Variants in XXYLT1 observed in about 807,000 individuals in gnomAD.
The protein encoded by XXYLT1 is UDP-xylose:alpha-xyloside alpha-1,3-xylosyltransferase.
XXYLT1 carries 20 observed loss-of-function variants against 28.9 expected under a neutral mutation model. That is an observed-to-expected ratio of 0.69 (90% CI 0.49 to 1.00). The LOEUF is 1.00. Among genes scored for constraint, XXYLT1 ranks in the 50% least tolerant of loss-of-function variants. The probability of loss-of-function intolerance (pLI) is 0.00; values close to 1 mark genes in which losing one functional copy is unlikely to be tolerated. For synonymous variants in XXYLT1, 257 were observed against 253.8 expected, an observed-to-expected ratio of 1.01 and a Z score of -0.12; for missense variants, 542 against 560.1, an observed-to-expected ratio of 0.97 and a Z score of 0.33.
chr3:195,162,301 C>G (rs558277578), intron 2 of XXYLT1, among the ~76,000 whole-genome samples: 128 of 152,240 alleles, frequency 8.4e-4, no homozygotes, highest in Non-Finnish European at 1.3e-3. Context: ...TTTGCAGGCT[C>G]TGCCCAGACA....
At chr3:195,136,269 T>TAGGA (rs544587974) in intron 3 of XXYLT1, among the ~76,000 whole-genome samples, 105 of 152,326 alleles carry the variant, frequency 6.9e-4, no homozygotes, top group African/African-American at 2.4e-3. Flanking sequence ...TCAGTGCTCC[T>TAGGA]ATAGGTTTGA....
chr3:195,144,623 G>A lies in XXYLT1; in HGVS notation c.785+11826C>T, dbSNP rs1235800471. On this transcript the variant is annotated intron_variant, in intron 3 of 3. Transcript: ENST00000310380. ...GAACTCCTGACCCCGTGATCCGCCC[G>A]CCTCAGCCTCCCAAAGTGCTGGGAT... 8.5e-5 allele frequency among the ~76,000 whole-genome samples: 13 copies of A among 152,056 alleles called. 1 individual carries two copies. The South Asian group carries it at 2.7e-3, about 32-fold the overall frequency.
chr3:195,269,931 C>G (rs1248313739), intron 1 of XXYLT1, among the ~76,000 whole-genome samples: 2 of 152,178 alleles, frequency 1.3e-5, no homozygotes, highest in East Asian at 3.8e-4. Context: ...TGTGCTCTCC[C>G]CAGATCATAT....
intron 1 of XXYLT1, among the ~76,000 whole-genome samples, chr3:195,253,849 A>G (rs1005659169): frequency 2.0e-5 from 3 of 152,238 alleles, no homozygotes; most frequent in African/African-American, 7.2e-5. Flanking sequence ...CAGTGAGCCC[A>G]AAGAAGAGAC....
intron 1 of XXYLT1, chr3:195,270,306 C>A: frequency 1.1e-6 from 1 of 906,028 alleles, no homozygotes; most frequent in Non-Finnish European, 1.5e-6. Flanking sequence ...CTGCGCTTAA[C>A]TGGGGGAGAG....
intron 1 of XXYLT1, among the ~76,000 whole-genome samples, chr3:195,248,716 G>C (rs1276398338): frequency 3.3e-5 from 5 of 152,192 alleles, no homozygotes; most frequent in Non-Finnish European, 7.4e-5. Flanking sequence ...TCAGGAGTTT[G>C]AGACCAGCCT....
rs1051636851 is a variant in XXYLT1 at position 195,077,613 on chromosome 3, C to T, written c.786-7502G>A. 6.6e-6 allele frequency among the ~76,000 whole-genome samples: 1 copy of T among 152,186 alleles called. No homozygotes were observed. Among genetic ancestry groups the T allele is most frequent in the Non-Finnish European group, 1.5e-5 (1 of 68,024 alleles). On this transcript the variant is annotated intron_variant, in intron 3 of 3. Coordinates refer to ENST00000310380, the MANE Select transcript of XXYLT1 (RefSeq NM_152531.5). This position sits in a 1 kb window ranked among gnomAD's most constrained non-coding sequence, Gnocchi z 4.8. ...GCTGTACCAGCTATGACCAGCCCAT[C>T]TCTGTGGGGCCCTGTAAAGCGCGGC...
intron 3 of XXYLT1, among the ~76,000 whole-genome samples, chr3:195,119,660 G>T (rs916561081): frequency 9.2e-6 from 1 of 108,160 alleles, no homozygotes; most frequent in Non-Finnish European, 2.1e-5. Context: ...GATGCCCCCA[G>T]ATGAGAGGAG....
intron 3 of XXYLT1, among the ~76,000 whole-genome samples, chr3:195,104,221 G>A (rs897907704): frequency 6.6e-6 from 1 of 151,038 alleles, no homozygotes; most frequent in Admixed American, 6.6e-5. Flanking sequence ...GTGTGTGTGT[G>A]TGTGTGTGTG....
At chr3:195,132,436 C>T (rs1482316395) in intron 3 of XXYLT1, among the ~76,000 whole-genome samples, 1 of 151,144 alleles carries the variant, frequency 6.6e-6, no homozygotes, top group East Asian at 1.9e-4. Context: ...CACTGCATTC[C>T]AGCCTGGGCA....
At chr3:195,179,515 C>T (rs941869622) in intron 2 of XXYLT1, among the ~76,000 whole-genome samples, 2 of 152,054 alleles carry the variant, frequency 1.3e-5, no homozygotes, top group African/African-American at 4.8e-5. Context: ...TTTTCAGTCA[C>T]GTCCTATTTA....
chr3:195,219,403 A>C (rs1202203434), intron 2 of XXYLT1, among the ~76,000 whole-genome samples: 3 of 152,248 alleles, frequency 2.0e-5, no homozygotes, highest in Non-Finnish European at 4.4e-5. Context: ...ATTTTACTTA[A>C]GGAAAAAAGA....
intron 3 of XXYLT1, chr3:195,146,990 C>A (rs1346022597): frequency 6.5e-6 from 1 of 153,750 alleles, no homozygotes; most frequent in East Asian, 1.9e-4. Context: ...CAGGTGCAGG[C>A]TACCATGCCC....
rs139724036 is a variant in XXYLT1, at chr3:195,240,823, G to C, written c.505-13967C>G. On this transcript the variant is annotated intron_variant, in intron 1 of 3. Coordinates refer to ENST00000310380, the MANE Select transcript of XXYLT1 (RefSeq NM_152531.5). The surrounding 1 kb of genome is among the most constrained non-coding windows in gnomAD (Gnocchi z 4.7). ...CTCCTGAAGGAACCATAAACTGGGG[G>C]ACTGAGGCAGGAGGATCGCTTGAAC... Among the ~76,000 whole-genome samples, 317 of 152,346 alleles carry C rather than the reference G, an allele frequency of 2.1e-3. No individual in the cohort carries two copies. Among genetic ancestry groups the C allele is most frequent in the South Asian group, 5.4e-3 (26 of 4,830 alleles).
intron 2 of XXYLT1, among the ~76,000 whole-genome samples, chr3:195,163,935 G>A (rs1260663634): frequency 6.6e-6 from 1 of 152,240 alleles, no homozygotes; most frequent in Non-Finnish European, 1.5e-5. Flanking sequence ...CTGCAATGAG[G>A]CAGACTGTTT....
In XXYLT1 at chr3:195,250,521, G is replaced by A. The variant is rs112962282; in HGVS notation, c.504+20034C>T. Among the ~76,000 whole-genome samples, 1,098 of 148,298 alleles carry A rather than the reference G, an allele frequency of 7.4e-3. 5 individuals carry two copies. Among genetic ancestry groups the A allele is most frequent in the Middle Eastern group, 0.015 (4 of 272 alleles). On this transcript the variant is annotated intron_variant, in intron 1 of 3. Coordinates refer to ENST00000310380, the MANE Select transcript of XXYLT1 (RefSeq NM_152531.5). ...AGAGGTTGCAGTCAGCAGAGATCGC[G>A]CCACTGCACTCCAGCCTGGGCGGCA...
chr3:195,270,207 T>C, intron 1 of XXYLT1: 1 of 541,936 alleles, frequency 1.8e-6, no homozygotes, highest in Non-Finnish European at 3.5e-6. Flanking sequence ...AGTCAAAAAC[T>C]GAGGAACATA....
intron 1 of XXYLT1, among the ~76,000 whole-genome samples, chr3:195,245,664 G>A (rs1724990963): frequency 1.3e-5 from 2 of 152,176 alleles, no homozygotes; most frequent in Non-Finnish European, 2.9e-5. Context: ...AGTGTGATTC[G>A]CAACGCCGGA....
chr3:195,226,938 CAG>C (rs1467818053), intron 1 of XXYLT1, 82 bp from the exon 2 acceptor site: 9 of 1,507,486 alleles, frequency 6.0e-6, no homozygotes, highest in Admixed American at 4.1e-5. Context: ...CCTGGGCCCA[CAG>C]AGGCAGAGGC....
Sources: gnomAD v4.1 joint callset for allele counts (sites outside exome capture counted in the v4.1 genomes callset) on GRCh38, gnomAD v4.1.1 for gene constraint, Gnocchi (gnomAD v3.1) non-coding constraint, MANE v1.5 for transcripts, NCBI Gene and HGNC (gene_info 2026-07-23, HGNC 2026-07-21) for gene names.